The following NAB1 variants were observed in gnomAD, a reference collection of about 807,000 sequenced individuals.
NAB1 encodes the protein NGFI-A-binding protein 1.
A neutral mutation model predicts 49.9 loss-of-function variants in NAB1; 25 were observed. The observed-to-expected ratio is 0.50, with a 90% CI of 0.37 to 0.70. The LOEUF is 0.70. Among genes scored for constraint, NAB1 ranks in the 30% least tolerant of loss-of-function variants. NAB1 has a pLI of 0.00. For synonymous variants in NAB1, 198 were observed against 215.6 expected, an observed-to-expected ratio of 0.92 and a Z score of 0.71; for missense variants, 489 against 575.9, an observed-to-expected ratio of 0.85 and a Z score of 1.54.
Position 190,666,399 on chromosome 2 carries a change from G to C in NAB1, c.820-3927G>C, listed in dbSNP as rs1046163170. On this transcript the variant is annotated intron_variant, in intron 4 of 9. Coordinates refer to ENST00000337386, the MANE Select transcript of NAB1 (RefSeq NM_005966.4). This position sits in a 1 kb window ranked among gnomAD's most constrained non-coding sequence, Gnocchi z 5.6. Reference sequence around the variant, plus strand: ...GTAGTAAGTCCAGTTTTTAAGTCCGGTTATAAAAGATAGCTAACTTTAAGA... The same window carrying C: ...GTAGTAAGTCCAGTTTTTAAGTCCGCTTATAAAAGATAGCTAACTTTAAGA... Among the ~76,000 whole-genome samples, 15 of 152,136 alleles carry C rather than the reference G, an allele frequency of 9.9e-5. No individual in the cohort carries two copies. Among genetic ancestry groups the C allele is most frequent in the African/African-American group, 3.6e-4 (15 of 41,424 alleles).
chr2:190,661,274 T>G (rs1694211930), intron 4 of NAB1, among the ~76,000 whole-genome samples: 4 of 152,172 alleles, frequency 2.6e-5, no homozygotes, highest in Non-Finnish European at 2.9e-5. Flanking sequence ...TGTTGGAGCT[T>G]GAGATCAGAT....
At position 190,649,875 on chromosome 2, in the gene NAB1, T is replaced by C. The variant is rs910719933; in HGVS notation, c.-304T>C. ...AGGAGAGTTTTACATGGAAGTGGCT[T>C]ACAGAAACTTGGCGCTGAGGTGCAG... On this transcript the variant is annotated 5_prime_UTR_variant, in exon 2 of 10. Coordinates refer to ENST00000337386, the MANE Select transcript of NAB1 (RefSeq NM_005966.4). The surrounding 1 kb of genome is among the most constrained non-coding windows in gnomAD (Gnocchi z 6.1). 8 of 152,224 alleles carry C rather than the reference T, an allele frequency of 5.3e-5. No individual in the cohort carries two copies. The highest frequency in any genetic ancestry group is 1.2e-4 in the African/African-American group (5 of 41,436). 9.4% of individuals were successfully genotyped at this position (152,224 alleles called of 1,614,324 possible). A position where few individuals can be genotyped will look rare whatever the true frequency, so the allele number is the denominator to read the frequency against.
intron 4 of NAB1, among the ~76,000 whole-genome samples, chr2:190,665,254 C>T (rs936014628): frequency 2.7e-5 from 4 of 150,210 alleles, no homozygotes; most frequent in Non-Finnish European, 3.0e-5. Flanking sequence ...ACCTGGGAGG[C>T]GGAGCTTGCA....
rs892750561 is a variant in NAB1, at chr2:190,663,951, T to G, written c.819+3956T>G. 6.6e-6 allele frequency among the ~76,000 whole-genome samples: 1 copy of G among 152,180 alleles called. No homozygotes were observed. The highest frequency in any genetic ancestry group is 2.1e-4 in the South Asian group (1 of 4,832). On this transcript the variant is annotated intron_variant, in intron 4 of 9. Coordinates refer to ENST00000337386, the MANE Select transcript of NAB1 (RefSeq NM_005966.4). This position sits in a 1 kb window ranked among gnomAD's most constrained non-coding sequence, Gnocchi z 4.2. ...CTAATGATTTCTGACTTAATTACATTGAGGGCAAGAGAACATGGTTTGTGT... is the reference window on the plus strand; with the variant it reads ...CTAATGATTTCTGACTTAATTACATGGAGGGCAAGAGAACATGGTTTGTGT...
chr2:190,671,765 T>C (rs564083535), intron 5 of NAB1, among the ~76,000 whole-genome samples: 2 of 142,342 alleles, frequency 1.4e-5, no homozygotes, highest in Non-Finnish European at 3.0e-5. Flanking sequence ...TACCTTCACC[T>C]TTCCTTTTTT....
intron 3 of NAB1, among the ~76,000 whole-genome samples, chr2:190,656,648 ATTTTT>A (rs568666112): frequency 6.7e-6 from 1 of 149,202 alleles, no homozygotes; most frequent in African/African-American, 2.5e-5. Context: ...AGGGGGTTTC[ATTTTT>A]TTTTTAAGTG....
At position 190,657,077 on chromosome 2, in the gene NAB1, G is replaced by A. The variant is rs1317341102; in HGVS notation, c.-20+924G>A. On this transcript the variant is annotated intron_variant, in intron 3 of 9. Transcript: ENST00000337386. The surrounding 1 kb of genome is among the most constrained non-coding windows in gnomAD (Gnocchi z 4.4). The stretch of plus-strand genomic sequence containing the variant: ...CTGTATTGCGTTGAAAGCCTATGGA[G>A]GAATTGCACGAGGTGTATGATAGGA... Among the ~76,000 whole-genome samples the A allele has an allele frequency of 6.6e-6, 1 of 152,120 alleles. No individual in the cohort carries two copies. Among genetic ancestry groups the A allele is most frequent in the Non-Finnish European group, 1.5e-5 (1 of 68,032 alleles).
In NAB1 at chr2:190,684,935, T is replaced by C. The variant is rs1254778118; in HGVS notation, c.1096-541T>C. Among the ~76,000 whole-genome samples, 1 of 152,252 alleles carries C rather than the reference T, an allele frequency of 6.6e-6. No homozygotes were observed. Among genetic ancestry groups the C allele is most frequent in the East Asian group, 1.9e-4 (1 of 5,202 alleles). On this transcript the variant is annotated intron_variant, in intron 7 of 9. Transcript: ENST00000337386. This position sits in a 1 kb window ranked among gnomAD's most constrained non-coding sequence, Gnocchi z 4.6. ...CATTTCATGATGAAGGTAAAGATGCTTATTGGCACTGATGTTTTTCTGCAT... is the reference window on the plus strand; with the variant it reads ...CATTTCATGATGAAGGTAAAGATGCCTATTGGCACTGATGTTTTTCTGCAT...
In NAB1 at chr2:190,659,673, C is replaced by A; in HGVS notation, c.497C>A (p.Ala166Asp). Reference sequence around the variant, plus strand: ...TCCAGACTCTGGCAAGGCCACCATGCCACTGAGAGCGAGCACAGCCTCTCC... The same window carrying A: ...TCCAGACTCTGGCAAGGCCACCATGACACTGAGAGCGAGCACAGCCTCTCC... ...GESRLWQGHHATESEHSLSPA... is the reference protein window; with the variant it reads ...GESRLWQGHHDTESEHSLSPA... The change falls in exon 4 of 10, where the codon GCC (alanine) becomes GAC (aspartate). Residue 166 changes from alanine to aspartate, a missense_variant. Physicochemically the swap from Ala to Asp is moderately radical, Grantham distance 126. Transcript: ENST00000337386. This position sits in a 1 kb window ranked among gnomAD's most constrained non-coding sequence, Gnocchi z 6.2. 6.2e-7 allele frequency: 1 copy of A among 1,613,812 alleles called. No individual in the cohort carries two copies. The highest frequency in any genetic ancestry group is 8.5e-7 in the Non-Finnish European group (1 of 1,180,010).
At chr2:190,683,605 T>C in intron 6 of NAB1, 133 bp from the exon 7 acceptor site, 1 of 615,518 alleles carries the variant, frequency 1.6e-6, no homozygotes, top group East Asian at 2.9e-5. Context: ...AAATGAAATA[T>C]TTTATAACCA....
intron 5 of NAB1, among the ~76,000 whole-genome samples, chr2:190,671,769 C>CTTTTTTTTT (rs1177937369): frequency 2.5e-4 from 18 of 71,750 alleles, no homozygotes; most frequent in Non-Finnish European, 2.9e-4. Flanking sequence ...TTCACCTTTC[C>CTTTTTTTTT]TTTTTTTTTT....
intron 9 of NAB1, 75 bp downstream of exon 9, chr2:190,687,392 CATCAAAAA>C: frequency 2.6e-6 from 1 of 391,592 alleles, no homozygotes; most frequent in Non-Finnish European, 4.2e-6. Flanking sequence ...TTTCCTCCCC[CATCAAAAA>C]AAAAAAAAAA....
chr2:190,662,103 T>G (rs1237220646), intron 4 of NAB1, among the ~76,000 whole-genome samples: 1 of 152,232 alleles, frequency 6.6e-6, no homozygotes, highest in Admixed American at 6.5e-5. Flanking sequence ...TGACTTACTC[T>G]TAATTCATTG....
rs1694697867 is a variant in NAB1, at chr2:190,669,580, T to C, written c.820-746T>C. 6.6e-6 allele frequency among the ~76,000 whole-genome samples: 1 copy of C among 152,216 alleles called. No individual in the cohort carries two copies. Among genetic ancestry groups the C allele is most frequent in the Admixed American group, 6.5e-5 (1 of 15,280 alleles). ...CTTGGCTAAGTACATCTTTTGCATATTAAAAAAGTCTGATATACCTCTTGA... is the reference window on the plus strand; with the variant it reads ...CTTGGCTAAGTACATCTTTTGCATACTAAAAAAGTCTGATATACCTCTTGA... On this transcript the variant is annotated intron_variant, in intron 4 of 9. Coordinates refer to ENST00000337386, the MANE Select transcript of NAB1 (RefSeq NM_005966.4). This position sits in a 1 kb window ranked among gnomAD's most constrained non-coding sequence, Gnocchi z 4.3.
chr2:190,682,621 AG>A lies in NAB1; in HGVS notation c.1006-1114del, dbSNP rs1433358170. 6.6e-6 allele frequency among the ~76,000 whole-genome samples: 1 copy of A among 152,240 alleles called. No homozygotes were observed. Among genetic ancestry groups the A allele is most frequent in the Admixed American group, 6.5e-5 (1 of 15,284 alleles). ...CAAATCAAACTTTTAGAAAAATTAGAGGGTAGATTTAAGTACTGAACCAAAT... is the reference window on the plus strand; with the variant it reads ...CAAATCAAACTTTTAGAAAAATTAGAGGTAGATTTAAGTACTGAACCAAAT... On this transcript the variant is annotated intron_variant, in intron 6 of 9. Transcript: ENST00000337386. This position sits in a 1 kb window ranked among gnomAD's most constrained non-coding sequence, Gnocchi z 4.1.
chr2:190,673,410 G>C (rs1018760022), intron 6 of NAB1, among the ~76,000 whole-genome samples: 2 of 152,046 alleles, frequency 1.3e-5, no homozygotes, highest in Non-Finnish European at 2.9e-5. Context: ...TGCCCAGGCT[G>C]GTCTTGCACT....
At chr2:190,658,180 T>G (rs1476575087) in intron 3 of NAB1, among the ~76,000 whole-genome samples, 1 of 152,246 alleles carries the variant, frequency 6.6e-6, no homozygotes, top group Admixed American at 6.5e-5. Flanking sequence ...TGTCTTAGGC[T>G]TTCTGCTGCT....
At position 190,685,436 on chromosome 2, in the gene NAB1, A is replaced by C. The variant is rs747269692; in HGVS notation, c.1096-40A>C. On this transcript the variant is annotated intron_variant, in intron 7 of 9. Coordinates refer to ENST00000337386, the MANE Select transcript of NAB1 (RefSeq NM_005966.4). This position sits in a 1 kb window ranked among gnomAD's most constrained non-coding sequence, Gnocchi z 4.5. Reference sequence around the variant, plus strand: ...TCTTTAAACCATTAAAAAATCTAGAATGTTTCAGTTACTGATTTGATTTTT... The same window carrying C: ...TCTTTAAACCATTAAAAAATCTAGACTGTTTCAGTTACTGATTTGATTTTT... 4 of 1,541,848 alleles carry C rather than the reference A, an allele frequency of 2.6e-6. No individual in the cohort carries two copies. In the East Asian group the frequency reaches 9.2e-5, roughly 36 times the overall value.
At chr2:190,687,410 A>G in intron 9 of NAB1, 93 bp downstream of exon 9, 1 of 641,652 alleles carries the variant, frequency 1.6e-6, no homozygotes, top group Non-Finnish European at 2.6e-6. Flanking sequence ...AAAAAAAAAA[A>G]AAAAAAAAAG....
Sources: allele counts gnomAD v4.1 joint callset (sites outside exome capture counted in the v4.1 genomes callset), GRCh38; gene constraint gnomAD v4.1.1; non-coding constraint Gnocchi (gnomAD v3.1); transcripts MANE v1.5; gene names NCBI Gene and HGNC (gene_info 2026-07-23, HGNC 2026-07-21).